JPH2: variants seen among roughly 807,000 people sequenced by gnomAD.
JPH2 encodes junctophilin 2.
JPH2 carries 38 observed loss-of-function variants against 55.9 expected under a neutral mutation model. The observed-to-expected ratio is 0.68, with a 90% CI of 0.52 to 0.89. The LOEUF (loss-of-function observed/expected upper bound fraction) is 0.89. Ranked by LOEUF, JPH2 falls within the 40% of genes least tolerant of loss-of-function variation. The pLI is 0.00. For synonymous variants in JPH2, 480 were observed against 472.4 expected (o/e 1.02, Z -0.21); for missense variants, 964 against 1,037.6 (o/e 0.93, Z 0.97).
chr20:44,140,378 G>C (rs1166114900), intron 2 of JPH2, among the ~76,000 whole-genome samples: 1 of 152,156 alleles, frequency 6.6e-6, no homozygotes, highest in Admixed American at 6.5e-5. Context: ...CCTCCACGTG[G>C]TGGGTCAGAG....
chr20:44,114,433 A>G (rs569407326), intron 5 of JPH2, among the ~76,000 whole-genome samples: 6 of 152,308 alleles, frequency 3.9e-5, no homozygotes, highest in Admixed American at 6.5e-5. Context: ...TTCTTGGAGC[A>G]GGAGTGAGTC....
chr20:44,115,396 C>A (rs543040144), intron 4 of JPH2, among the ~76,000 whole-genome samples: 3 of 152,284 alleles, frequency 2.0e-5, no homozygotes, highest in East Asian at 1.9e-4. Context: ...TCCCAGCTGC[C>A]CCTGCTCATG....
chr20:44,142,935 C>T (rs1742550515), intron 2 of JPH2, among the ~76,000 whole-genome samples: 1 of 152,140 alleles, frequency 6.6e-6, no homozygotes. Flanking sequence ...CTGCTGGGTG[C>T]TAGGCCAGGT....
Position 44,124,561 on chromosome 20 carries a change from C to T in JPH2, c.1170-5938G>A, listed in dbSNP as rs180974050. On this transcript the variant is annotated intron_variant, in intron 2 of 5. Transcript: ENST00000372980. ...AGGCACAGTGGCTCACACCTGTAAT[C>T]CCAGCACTTTGGAAGGCTGAGGCAG... 2.6e-3 allele frequency among the ~76,000 whole-genome samples: 391 copies of T among 152,134 alleles called. 3 individuals are homozygous for T. The highest frequency in any genetic ancestry group is 3.9e-3 in the Non-Finnish European group (262 of 68,002).
chr20:44,179,549 C>T (rs1038575403), intron 1 of JPH2, among the ~76,000 whole-genome samples: 1 of 152,116 alleles, frequency 6.6e-6, no homozygotes, highest in Non-Finnish European at 1.5e-5. Flanking sequence ...TCAAGGCCAG[C>T]TTCATGGGTG....
In JPH2 at chr20:44,112,183, C is replaced by G. The variant is rs1396732306; in HGVS notation, c.*1335G>C. The G allele has an allele frequency of 6.6e-6, 1 of 152,318 alleles. No individual in the cohort carries two copies. Among genetic ancestry groups the G allele is most frequent in the Non-Finnish European group, 1.5e-5 (1 of 68,112 alleles). The allele number at this position is 152,318 out of a possible 1,614,324, so 9.4% of individuals were successfully genotyped here. The stretch of plus-strand genomic sequence containing the variant: ...GGGAGGCCCTGCCACAAAGCCAAAG[C>G]CTCCAAGGTCCACAGAAATGAAGGG... On this transcript the variant is annotated 3_prime_UTR_variant, in exon 6 of 6. Coordinates refer to ENST00000372980, the MANE Select transcript of JPH2 (RefSeq NM_020433.5).
chr20:44,156,066 A>C (rs1260127218), intron 2 of JPH2, among the ~76,000 whole-genome samples: 2 of 151,942 alleles, frequency 1.3e-5, no homozygotes, highest in Non-Finnish European at 2.9e-5. Context: ...AGGACACACA[A>C]AAAAAGCAAA....
rs1251910252 is a variant in JPH2 at position 44,132,628 on chromosome 20, G to A, written c.1170-14005C>T. ...TTCCTGCCTGTCTGTCTCCTCCACA[G>A]CTGCAGCTCTCACCCACCCCCACCG... On this transcript the variant is annotated intron_variant, in intron 2 of 5. Coordinates refer to ENST00000372980, the MANE Select transcript of JPH2 (RefSeq NM_020433.5). Among the ~76,000 whole-genome samples the A allele has an allele frequency of 4.5e-5, 6 of 134,382 alleles. No homozygotes were observed. In the East Asian group the frequency reaches 1.1e-3, roughly 25 times the overall value. The allele number at this position is 134,382 out of a possible 152,430, so 88.2% of individuals were successfully genotyped here. A position where few individuals can be genotyped will look rare whatever the true frequency, so the allele number is the denominator to read the frequency against.
At chr20:44,138,524 G>A (rs2072433354) in intron 2 of JPH2, among the ~76,000 whole-genome samples, 1 of 151,884 alleles carries the variant, frequency 6.6e-6, no homozygotes, top group South Asian at 2.1e-4. Flanking sequence ...TGGGACTACA[G>A]GTGAGCACTG....
At chr20:44,126,396 C>T (rs1428311794) in intron 2 of JPH2, among the ~76,000 whole-genome samples, 1 of 152,146 alleles carries the variant, frequency 6.6e-6, no homozygotes, top group Admixed American at 6.5e-5. Context: ...GCCAGCCTCT[C>T]TGGAGGATGC....
At chr20:44,151,386 A>C (rs2072529197) in intron 2 of JPH2, among the ~76,000 whole-genome samples, 1 of 152,102 alleles carries the variant, frequency 6.6e-6, no homozygotes, top group African/African-American at 2.4e-5. Context: ...GCGTGGTGGC[A>C]CATGCCTGTA....
chr20:44,181,029 AGG>A (rs1600478949), intron 1 of JPH2, among the ~76,000 whole-genome samples: 2 of 151,770 alleles, frequency 1.3e-5, no homozygotes, highest in East Asian at 3.9e-4. Flanking sequence ...TGGCCAGGGG[AGG>A]AATGAGGGCT....
intron 2 of JPH2, among the ~76,000 whole-genome samples, chr20:44,146,119 C>T (rs1168569114): frequency 3.3e-5 from 5 of 151,750 alleles, no homozygotes; most frequent in African/African-American, 1.2e-4. Context: ...CTGCAAGCTC[C>T]GCCTCCCGGG....
chr20:44,116,414 C>T, intron 3 of JPH2, 28 bp from the exon 4 acceptor site: 2 of 1,544,640 alleles, frequency 1.3e-6, no homozygotes, highest in Non-Finnish European at 1.7e-6. Context: ...GGAGGCTGGG[C>T]TCGAACCCCG....
intron 2 of JPH2, among the ~76,000 whole-genome samples, chr20:44,136,968 G>C (rs1311981854): frequency 6.6e-6 from 1 of 152,142 alleles, no homozygotes; most frequent in African/African-American, 2.4e-5. Flanking sequence ...TGGATATTCT[G>C]AATGTGCATA....
rs1569181318 is a variant in JPH2, at chr20:44,116,200, G to A, written c.1475C>T (p.Pro492Leu). The A allele has an allele frequency of 3.6e-6, 5 of 1,390,404 alleles. No individual in the cohort carries two copies. Among genetic ancestry groups the A allele is most frequent in the African/African-American group, 1.5e-5 (1 of 65,408 alleles). 86.1% of individuals were successfully genotyped at this position (1,390,404 alleles called of 1,614,324 possible). A position where few individuals can be genotyped will look rare whatever the true frequency, so the allele number is the denominator to read the frequency against. The change falls in exon 4 of 6, where the codon CCG (proline) becomes CTG (leucine). Residue 492 changes from proline to leucine, a missense_variant. Coordinates refer to ENST00000372980, the MANE Select transcript of JPH2 (RefSeq NM_020433.5). Reference protein sequence around the residue: ...GGSPSPAGTPPQPKRPRPGVS... With the variant: ...GGSPSPAGTPLQPKRPRPGVS... The stretch of plus-strand genomic sequence containing the variant: ...CCCGGGCCTGGGCCGCTTGGGCTGC[G>A]GGGGCGTCCCGGCCGGTGACGGGGA...
rs754651910 is a variant in JPH2 at position 44,159,791 on chromosome 20, G to C, written c.996C>G (p.Pro332=). 2 of 1,613,072 alleles carry C rather than the reference G, an allele frequency of 1.2e-6. No homozygotes were observed. The highest frequency in any genetic ancestry group is 2.2e-5 in the East Asian group (1 of 44,872). The stretch of plus-strand genomic sequence containing the variant: ...ACTTGCCCTCCTCGCGGTGGCCGTC[G>C]GGCAGCGTGGTGCAGCCATAGCCGT... ...LRHGYGCTTL[P]DGHREEGKYR... is the part of the protein sequence containing the mutation. The change falls in exon 2 of 6, where the codon CCC becomes CCG. Residue 332 remains proline (P), a synonymous_variant. Transcript: ENST00000372980. This position sits in a 1 kb window ranked among gnomAD's most constrained non-coding sequence, Gnocchi z 5.7.
At chr20:44,138,555 T>TA (rs1392571288) in intron 2 of JPH2, among the ~76,000 whole-genome samples, 1 of 151,544 alleles carries the variant, frequency 6.6e-6, no homozygotes, top group Admixed American at 6.6e-5. Context: ...CTAATTTTTT[T>TA]ATTTTTTTGT....
intron 1 of JPH2, among the ~76,000 whole-genome samples, chr20:44,180,113 G>A (rs2072767617): frequency 6.6e-6 from 1 of 152,248 alleles, no homozygotes; most frequent in African/African-American, 2.4e-5. Context: ...AGCTACTGAG[G>A]AGGCTGAGGC....
Sources: allele counts gnomAD v4.1 joint callset (sites outside exome capture counted in the v4.1 genomes callset), GRCh38; gene constraint gnomAD v4.1.1; non-coding constraint Gnocchi (gnomAD v3.1); transcripts MANE v1.5; gene names NCBI Gene and HGNC (gene_info 2026-07-23, HGNC 2026-07-21).